Variants in GREB1 observed in about 807,000 individuals in gnomAD.
The protein encoded by GREB1 is growth regulating estrogen receptor binding 1.
A neutral mutation model predicts 200.7 loss-of-function variants in GREB1; 106 were observed. The ratio of observed to expected loss-of-function variants is 0.53; its 90% CI spans 0.45 to 0.62. GREB1 has a LOEUF of 0.62. GREB1 is among the 20% of genes least tolerant of loss of function. The pLI, the probability that GREB1 is intolerant of heterozygous loss-of-function variation, is 0.00. For synonymous variants in GREB1, 1,132 were observed against 1,092.4 expected, an observed-to-expected ratio of 1.04 and a Z score of -0.72; for missense variants, 2,243 against 2,556.8, an observed-to-expected ratio of 0.88 and a Z score of 2.65.
intron 1 of GREB1, chr2:11,540,613 G>A: frequency 6.5e-6 from 1 of 154,652 alleles, no homozygotes; most frequent in Non-Finnish European, 1.5e-5. Context: ...TGTGGGCCAG[G>A]CAGTCTGAGT....
intron 1 of GREB1, among the ~76,000 whole-genome samples, chr2:11,527,582 C>T (rs1355151619): frequency 6.6e-6 from 1 of 152,184 alleles, no homozygotes; most frequent in Non-Finnish European, 1.5e-5. Flanking sequence ...GGCTGGACAA[C>T]CCATCCCCTG....
chr2:11,610,587 G>C lies in GREB1; in HGVS notation c.2667-101G>C, dbSNP rs1043840508. 5.9e-6 allele frequency: 5 copies of C among 844,280 alleles called. No homozygotes were observed. In the Admixed American group the frequency reaches 1.2e-4, roughly 19 times the overall value. The allele number at this position is 844,280 out of a possible 1,614,324, so 52.3% of individuals were successfully genotyped here. A position where few individuals can be genotyped will look rare whatever the true frequency, so the allele number is the denominator to read the frequency against. On this transcript the variant is annotated intron_variant, in intron 17 of 32. Coordinates refer to ENST00000381486, the MANE Select transcript of GREB1 (RefSeq NM_014668.4). ...AGGCAACACAACTGCGTATAATGCCGGAGTTGCCTGTGGTAGAGTGACGGA... is the reference window on the plus strand; with the variant it reads ...AGGCAACACAACTGCGTATAATGCCCGAGTTGCCTGTGGTAGAGTGACGGA...
intron 11 of GREB1, 133 bp from the exon 12 acceptor site, chr2:11,595,118 T>C (rs1270926846): frequency 1.4e-6 from 1 of 721,744 alleles, no homozygotes; most frequent in Non-Finnish European, 2.3e-6. Flanking sequence ...GCCTGGGAGG[T>C]AGATCCAGCT....
intron 23 of GREB1, among the ~76,000 whole-genome samples, chr2:11,623,334 A>G (rs181945722): frequency 6.6e-6 from 1 of 152,364 alleles, no homozygotes; most frequent in East Asian, 1.9e-4. Context: ...GGTTTTATGT[A>G]TTTACCATAC....
Position 11,596,200 on chromosome 2 carries a change from G to T in GREB1, c.1915G>T (p.Ala639Ser), listed in dbSNP as rs752403028. The T allele has an allele frequency of 9.3e-6, 15 of 1,613,828 alleles. No homozygotes were observed. In the South Asian group the frequency reaches 1.5e-4, roughly 17 times the overall value. Residue 639 changes from alanine (A) to serine (S), a missense_variant, in exon 13 of 33, where the codon GCA becomes TCA. Ala to Ser is a moderately conservative substitution (Grantham distance 99). Transcript: ENST00000381486. ...SSLAASSVTK[A>S]ASLDVSGTPV... Reference sequence around the variant, plus strand: ...ACTCGCTGCCTCTTCTGTCACTAAAGCAGCATCCCTGGATGTCAGTGGGAC... The same window carrying T: ...ACTCGCTGCCTCTTCTGTCACTAAATCAGCATCCCTGGATGTCAGTGGGAC...
chr2:11,594,783 C>G (rs13017593), intron 11 of GREB1, among the ~76,000 whole-genome samples: 76,448 of 151,598 alleles, frequency 0.5, 19,259 homozygotes, highest in Middle Eastern at 0.6. Context: ...AGCTCCGCCT[C>G]CTGGGTTCAC....
chr2:11,508,771 C>T (rs191314955), intron 1 of GREB1, among the ~76,000 whole-genome samples: 1 of 152,270 alleles, frequency 6.6e-6, no homozygotes, highest in African/African-American at 2.4e-5. Context: ...GCCAGAATCT[C>T]CACCATTATT....
In GREB1 at chr2:11,618,323, A is replaced by G; in HGVS notation, c.3448A>G (p.Thr1150Ala). ...ALGGESSAQP[T>A]ALPQGEHARS... is the part of the protein sequence containing the mutation. ...CGGTGGCGAGTCCTCGGCTCAGCCC[A>G]CAGCACTCCCCCAGGGAGAGCATGC... Residue 1150 changes from threonine to alanine, a missense_variant, in exon 22 of 33, where the codon ACA (threonine) becomes GCA (alanine). Around this residue, in one of 3 missense-constraint regions of GREB1, gnomAD observed 587 missense variants for 553.1 expected, o/e 1.06. Coordinates refer to ENST00000381486, the MANE Select transcript of GREB1 (RefSeq NM_014668.4). 1 of 1,594,954 alleles carries G rather than the reference A, an allele frequency of 6.3e-7. No individual in the cohort carries two copies. The highest frequency in any genetic ancestry group is 1.1e-5 in the South Asian group (1 of 89,692).
At chr2:11,531,786 G>A (rs1383949112), upstream of GREB1, among the ~76,000 whole-genome samples, 2 of 152,122 alleles carry the variant, frequency 1.3e-5, no homozygotes, top group Admixed American at 1.3e-4. Context: ...GGCCGGGCTG[G>A]TCTTGATCTC....
In GREB1 at chr2:11,620,686, C is replaced by T. The variant is rs557172839; in HGVS notation, c.4045-219C>T. On this transcript the variant is annotated intron_variant, in intron 22 of 32. Coordinates refer to ENST00000381486, the MANE Select transcript of GREB1 (RefSeq NM_014668.4). ...TGGTTAAAATCTAGAGATGCGTGTGCGACGATATTTAAGCAGGAAGGCCTT... is the reference window on the plus strand; with the variant it reads ...TGGTTAAAATCTAGAGATGCGTGTGTGACGATATTTAAGCAGGAAGGCCTT... Among the ~76,000 whole-genome samples, 27 of 152,232 alleles carry T rather than the reference C, an allele frequency of 1.8e-4. No individual in the cohort carries two copies. In the East Asian group the frequency reaches 2.1e-3, roughly 12 times the overall value.
In GREB1 at chr2:11,610,970, C is replaced by T; in HGVS notation, c.2949C>T (p.Ile983=). Residue 983 remains isoleucine (I), a synonymous_variant, in exon 18 of 33, where the codon ATC becomes ATT. Coordinates refer to ENST00000381486, the MANE Select transcript of GREB1 (RefSeq NM_014668.4). Reference sequence around the variant, plus strand: ...CGCTGGAGGAGCACTTTGAGATCATCCTGGGCAGTCCCAGCTCAGGCGTCA... The same window carrying T: ...CGCTGGAGGAGCACTTTGAGATCATTCTGGGCAGTCCCAGCTCAGGCGTCA... ...RLALEEHFEI[I]LGSPSSGVTV... The T allele has an allele frequency of 6.2e-7, 1 of 1,608,044 alleles. No individual in the cohort carries two copies. The highest frequency in any genetic ancestry group is 8.5e-7 in the Non-Finnish European group (1 of 1,177,578).
intron 27 of GREB1, 55 bp downstream of exon 27, chr2:11,632,168 A>C (rs2148426044): frequency 4.7e-6 from 6 of 1,271,652 alleles, no homozygotes; most frequent in South Asian, 3.6e-5. Flanking sequence ...CGAACACTTG[A>C]GAGAGTGTTC....
intron 1 of GREB1, among the ~76,000 whole-genome samples, chr2:11,495,214 T>G (rs1353445419): frequency 6.6e-6 from 1 of 152,224 alleles, no homozygotes; most frequent in African/African-American, 2.4e-5. Flanking sequence ...CACCAGCTGC[T>G]GTCATTCACT....
rs367909701 is a variant in GREB1 at position 11,578,291 on chromosome 2, C to T, written c.638-6C>T. 68 of 1,611,722 alleles carry T rather than the reference C, an allele frequency of 4.2e-5. No individual in the cohort carries two copies. The highest frequency in any genetic ancestry group is 5.4e-5 in the Non-Finnish European group (64 of 1,178,176). ...TGGTTTTCACGTGTGCACCTTGCCC[C>T]CTTAGAGTTTAGAAGCCGGCAGATC... On this transcript the variant is annotated splice_polypyrimidine_tract_variant and splice_region_variant and intron_variant, in intron 5 of 32. Transcript: ENST00000381486.
intron 1 of GREB1, among the ~76,000 whole-genome samples, chr2:11,484,578 C>G (rs1440304034): frequency 9.7e-6 from 1 of 102,788 alleles, no homozygotes; most frequent in African/African-American, 3.9e-5. Flanking sequence ...GCGAGACTCT[C>G]ATCTCTTAAA....
chr2:11,553,179 T>TTA (rs1220972066), intron 1 of GREB1, among the ~76,000 whole-genome samples: 1 of 152,146 alleles, frequency 6.6e-6, no homozygotes, highest in Non-Finnish European at 1.5e-5. Context: ...CTTTGATGTT[T>TTA]GTTTAGGGCT....
chr2:11,504,672 GC>G (rs1166712300), intron 1 of GREB1, among the ~76,000 whole-genome samples: 1 of 152,198 alleles, frequency 6.6e-6, no homozygotes, highest in East Asian at 1.9e-4. Context: ...CCATGTTGTA[GC>G]ATGTAATAGC....
intron 1 of GREB1, among the ~76,000 whole-genome samples, chr2:11,523,489 T>C (rs1328947568): frequency 6.6e-6 from 1 of 152,228 alleles, no homozygotes; most frequent in Non-Finnish European, 1.5e-5. Flanking sequence ...TGGTAGATGG[T>C]CCATAAAACT....
chr2:11,591,213 A>G (rs989015611), intron 10 of GREB1, among the ~76,000 whole-genome samples: 1 of 152,216 alleles, frequency 6.6e-6, no homozygotes, highest in Non-Finnish European at 1.5e-5. Context: ...AATGCATCCA[A>G]TCAAAGAGGG....
Sources: allele counts gnomAD v4.1 joint callset (sites outside exome capture counted in the v4.1 genomes callset), GRCh38; gene constraint gnomAD v4.1.1; regional missense constraint gnomAD v4.1.1; transcripts MANE v1.5; gene names NCBI Gene and HGNC (gene_info 2026-07-23, HGNC 2026-07-21).